MSANTD3: variants seen among roughly 807,000 people sequenced by gnomAD.
MSANTD3 encodes the protein myb/SANT-like DNA-binding domain-containing protein 3.
A neutral mutation model predicts 27.7 loss-of-function variants in MSANTD3; 11 were observed. The observed-to-expected ratio is 0.40, with a 90% confidence interval of 0.25 to 0.66. The LOEUF (loss-of-function observed/expected upper bound fraction) is 0.66, where lower values mean the gene tolerates loss of function less well. Among genes scored for constraint, MSANTD3 ranks in the 30% least tolerant of loss-of-function variants. MSANTD3 has a pLI of 0.41. For synonymous variants in MSANTD3, 131 were observed against 127.2 expected, an observed-to-expected ratio of 1.03 and a Z score of -0.20; for missense variants, 250 against 336.5, an observed-to-expected ratio of 0.74 and a Z score of 2.01.
At chr9:100,443,706 G>A (rs1836685881) in intron 2 of MSANTD3, among the ~76,000 whole-genome samples, 1 of 152,226 alleles carries the variant, frequency 6.6e-6, no homozygotes, top group Non-Finnish European at 1.5e-5. Flanking sequence ...TTGGAATTTA[G>A]GGGCTATTGA....
At chr9:100,445,073 C>T in intron 2 of MSANTD3, 1 of 727,808 alleles carries the variant, frequency 1.4e-6, no homozygotes, top group Non-Finnish European at 2.4e-6. Context: ...GGAAGTGTGT[C>T]CAAAGGTAAT....
At chr9:100,429,174 T>C (rs1477390883) in intron 1 of MSANTD3, among the ~76,000 whole-genome samples, 1 of 152,160 alleles carries the variant, frequency 6.6e-6, no homozygotes, top group Non-Finnish European at 1.5e-5. Flanking sequence ...ATTTTGTTTT[T>C]AACCAGGCAT....
At chr9:100,448,602 C>A (rs528352218) in intron 2 of MSANTD3, 1 of 985,438 alleles carries the variant, frequency 1.0e-6, no homozygotes, top group Non-Finnish European at 1.2e-6. Flanking sequence ...ACATGCCCAG[C>A]ACTATACCAG....
intron 2 of MSANTD3, chr9:100,449,164 A>G: frequency 1.0e-6 from 1 of 985,398 alleles, no homozygotes; most frequent in Non-Finnish European, 1.2e-6. Context: ...TCACAGCTAC[A>G]AGACTCCATG....
At chr9:100,442,808 CA>C (rs59051169) in intron 2 of MSANTD3, among the ~76,000 whole-genome samples, 1,218 of 55,900 alleles carry the variant, frequency 0.022, 8 homozygotes, top group African/African-American at 0.044. Flanking sequence ...GACCCTGTCT[CA>C]AAAAAAAAAA....
chr9:100,440,779 CCTTTTTTT>C (rs1422551995), intron 1 of MSANTD3, among the ~76,000 whole-genome samples: 11 of 125,642 alleles, frequency 8.8e-5, no homozygotes, highest in Admixed American at 4.2e-4. Flanking sequence ...CTTTTTCTTC[CCTTTTTTT>C]TTTTTTTTTT....
chr9:100,436,471 A>G (rs114957923), intron 1 of MSANTD3, among the ~76,000 whole-genome samples: 3,955 of 152,288 alleles, frequency 0.026, 156 homozygotes, highest in African/African-American at 0.09. Flanking sequence ...ATGCATAAGA[A>G]TGGATCATAT....
intron 1 of MSANTD3, among the ~76,000 whole-genome samples, chr9:100,435,934 A>G (rs1056028626): frequency 2.6e-5 from 4 of 152,230 alleles, no homozygotes; most frequent in Non-Finnish European, 5.9e-5. Flanking sequence ...TAAGTTGGAT[A>G]GTAAATGTAT....
chr9:100,433,603 C>T (rs987810560), intron 1 of MSANTD3, among the ~76,000 whole-genome samples: 2 of 152,140 alleles, frequency 1.3e-5, no homozygotes, highest in African/African-American at 4.8e-5. Flanking sequence ...TCTTGAACCC[C>T]TGGGCTCAAG....
intron 1 of MSANTD3, among the ~76,000 whole-genome samples, chr9:100,428,456 G>A (rs1836292524): frequency 6.6e-6 from 1 of 152,126 alleles, no homozygotes; most frequent in Admixed American, 6.6e-5. Context: ...GACATGGGAT[G>A]GACAAGGGGG....
Position 100,427,175 on chromosome 9 carries a change from G to C in MSANTD3, c.-252G>C, listed in dbSNP as rs1258170253. 2 of 147,052 alleles carry C rather than the reference G, an allele frequency of 1.4e-5. No individual in the cohort carries two copies. Among genetic ancestry groups the C allele is most frequent in the Non-Finnish European group, 3.0e-5 (2 of 66,172 alleles). 9.1% of individuals were successfully genotyped at this position (147,052 alleles called of 1,614,324 possible). A position where few individuals can be genotyped will look rare whatever the true frequency, so the allele number is the denominator to read the frequency against. The stretch of plus-strand genomic sequence containing the variant: ...GCGCCGACGGACCGGCAGGCGGCGG[G>C]CGGTCCGCGAGGGGGCGGCGGCGTC... On this transcript the variant is annotated 5_prime_UTR_variant, in exon 1 of 3. Coordinates refer to ENST00000395067, the MANE Select transcript of MSANTD3 (RefSeq NM_080655.3).
At chr9:100,427,448 G>T (rs1564245076) in intron 1 of MSANTD3, 55 bp downstream of exon 1, 1 of 149,472 alleles carries the variant, frequency 6.7e-6, no homozygotes, top group African/African-American at 2.4e-5. Flanking sequence ...GGGGTGGGGG[G>T]CGCGGGCCGG....
chr9:100,431,784 C>A (rs1366088554), intron 1 of MSANTD3, among the ~76,000 whole-genome samples: 2 of 152,114 alleles, frequency 1.3e-5, no homozygotes, highest in Non-Finnish European at 2.9e-5. Flanking sequence ...ACTTGGTACC[C>A]TTGTCCTAGA....
rs1356466332 is a variant in MSANTD3 at position 100,451,336 on chromosome 9, A to G, written c.*370A>G. Reference sequence around the variant, plus strand: ...TTTTTTTTCTTTTTTCTTTTTAAACAGACAGCAGAACTTTTCTATCCAAAT... The same window carrying G: ...TTTTTTTTCTTTTTTCTTTTTAAACGGACAGCAGAACTTTTCTATCCAAAT... On this transcript the variant is annotated 3_prime_UTR_variant, in exon 3 of 3. Coordinates refer to ENST00000395067, the MANE Select transcript of MSANTD3 (RefSeq NM_080655.3). The G allele has an allele frequency of 5.9e-6, 1 of 170,050 alleles. No homozygotes were observed. The highest frequency in any genetic ancestry group is 1.2e-5 in the Non-Finnish European group (1 of 80,328). The allele number at this position is 170,050 out of a possible 1,614,324, so 10.5% of individuals were successfully genotyped here. A position where few individuals can be genotyped will look rare whatever the true frequency, so the allele number is the denominator to read the frequency against.
At chr9:100,445,509 T>C (rs1836733251) in intron 2 of MSANTD3, among the ~76,000 whole-genome samples, 1 of 152,238 alleles carries the variant, frequency 6.6e-6, no homozygotes, top group Non-Finnish European at 1.5e-5. Context: ...AATAATATTT[T>C]AGATATGTTG....
chr9:100,434,533 A>G (rs910645710), intron 1 of MSANTD3, among the ~76,000 whole-genome samples: 1 of 147,588 alleles, frequency 6.8e-6, no homozygotes, highest in African/African-American at 2.4e-5. Context: ...CTGTCTCTCA[A>G]AAAAGAAAGA....
intron 2 of MSANTD3, among the ~76,000 whole-genome samples, chr9:100,447,583 T>C (rs1836784697): frequency 6.6e-6 from 1 of 152,142 alleles, no homozygotes; most frequent in African/African-American, 2.4e-5. Context: ...CATTTTAAGA[T>C]ATGCAAGTGA....
intron 1 of MSANTD3, chr9:100,427,597 A>G (rs1157171314): frequency 6.6e-6 from 1 of 151,462 alleles, no homozygotes; most frequent in Non-Finnish European, 1.5e-5. Flanking sequence ...TGCTGCCTAC[A>G]AAGCCCCGGG....
At chr9:100,442,440 A>G in intron 2 of MSANTD3, 84 bp downstream of exon 2, 1 of 1,499,852 alleles carries the variant, frequency 6.7e-7, no homozygotes, top group Non-Finnish European at 8.8e-7. Flanking sequence ...CTTTGAGGGA[A>G]CTTCTAAAAA....
Sources: gnomAD v4.1 joint callset for allele counts (sites outside exome capture counted in the v4.1 genomes callset) on GRCh38, gnomAD v4.1.1 for gene constraint, MANE v1.5 for transcripts, NCBI Gene and HGNC (gene_info 2026-07-23, HGNC 2026-07-21) for gene names.